Variants in SPATA16 observed in about 807,000 individuals in gnomAD.
SPATA16 encodes spermatogenesis-associated protein 16.
A neutral mutation model predicts 63.3 loss-of-function variants in SPATA16; 36 were observed. The observed-to-expected ratio is 0.57, with a 90% confidence interval of 0.44 to 0.75. The LOEUF (loss-of-function observed/expected upper bound fraction) is 0.75, where lower values mean the gene tolerates loss of function less well. Among genes scored for constraint, SPATA16 ranks in the 30% least tolerant of loss-of-function variants. SPATA16 has a pLI of 0.00. For missense variants in SPATA16, 646 were observed against 679.3 expected (o/e 0.95, Z 0.54); for synonymous variants, 203 against 216.7 (o/e 0.94, Z 0.56).
chr3:172,897,330 T>G (rs1389910989), intron 10 of SPATA16, among the ~76,000 whole-genome samples: 1 of 152,166 alleles, frequency 6.6e-6, no homozygotes, highest in African/African-American at 2.4e-5. Context: ...CCTCCATCAG[T>G]ATACAAATTC....
chr3:172,905,570 A>T (rs1732216167), intron 10 of SPATA16, among the ~76,000 whole-genome samples: 2 of 152,166 alleles, frequency 1.3e-5, no homozygotes, highest in South Asian at 4.1e-4. Context: ...CTACCTCAAC[A>T]GTCTTGAACA....
chr3:172,983,328 C>CTTT (rs59406777), intron 4 of SPATA16, among the ~76,000 whole-genome samples: 49 of 142,520 alleles, frequency 3.4e-4, no homozygotes, highest in African/African-American at 1.1e-3. Context: ...AGTGACCTCT[C>CTTT]TTTTTTTTTT....
At chr3:173,114,330 G>A (rs13082694) in intron 2 of SPATA16, among the ~76,000 whole-genome samples, 25,784 of 151,956 alleles carry the variant, frequency 0.17, 2,375 homozygotes, top group East Asian at 0.3. Context: ...AATAAAGACC[G>A]TATTTCTCAG....
chr3:172,891,043 A>C (rs952207393), intron 10 of SPATA16, among the ~76,000 whole-genome samples: 5 of 151,322 alleles, frequency 3.3e-5, no homozygotes, highest in Non-Finnish European at 7.4e-5. Context: ...CCAAAATAAG[A>C]CATTAAAAAA....
intron 4 of SPATA16, among the ~76,000 whole-genome samples, chr3:172,987,337 C>T (rs934606838): frequency 6.6e-6 from 1 of 152,176 alleles, no homozygotes; most frequent in Admixed American, 6.5e-5. Flanking sequence ...CCTTCGCACT[C>T]ATTTTTCAAG....
At chr3:173,001,660 TC>T (rs1734832429) in intron 4 of SPATA16, among the ~76,000 whole-genome samples, 1 of 152,196 alleles carries the variant, frequency 6.6e-6, no homozygotes, top group African/African-American at 2.4e-5. Flanking sequence ...TGGTAGTGGT[TC>T]CTGATGAGGT....
chr3:173,083,001 A>C (rs915119934), intron 2 of SPATA16, among the ~76,000 whole-genome samples: 1 of 152,190 alleles, frequency 6.6e-6, no homozygotes, highest in Non-Finnish European at 1.5e-5. Context: ...TTTATAAAAT[A>C]AAAGAAATGC....
At chr3:172,936,785 G>A (rs1733005797) in intron 6 of SPATA16, among the ~76,000 whole-genome samples, 1 of 152,194 alleles carries the variant, frequency 6.6e-6, no homozygotes, top group Non-Finnish European at 1.5e-5. Context: ...TCGGCTTACT[G>A]CAACCTCTGC....
chr3:173,137,058 A>T (rs746413504), intron 1 of SPATA16, among the ~76,000 whole-genome samples: 11 of 152,232 alleles, frequency 7.2e-5, no homozygotes, highest in Non-Finnish European at 4.4e-5. Context: ...TTTCAACATT[A>T]GTAGAAATGG....
chr3:172,939,812 G>A (rs1053685097), intron 6 of SPATA16, among the ~76,000 whole-genome samples: 2 of 152,018 alleles, frequency 1.3e-5, no homozygotes, highest in African/African-American at 4.8e-5. Context: ...ACTCTTGCTG[G>A]GCCCTTAGAT....
chr3:173,024,760 TTTA>T (rs1245727493), intron 3 of SPATA16, among the ~76,000 whole-genome samples: 12 of 150,924 alleles, frequency 8.0e-5, no homozygotes, highest in African/African-American at 2.9e-4. Context: ...ATTCTACTGT[TTTA>T]TTTTTGATTT....
At chr3:172,935,088 G>A (rs1318450001) in intron 6 of SPATA16, among the ~76,000 whole-genome samples, 1 of 152,162 alleles carries the variant, frequency 6.6e-6, no homozygotes, top group African/African-American at 2.4e-5. Context: ...GAAAATCCAA[G>A]AGGATAAACT....
chr3:173,052,354 GCAGTGAAAGAC>G (rs1736120207), intron 2 of SPATA16, among the ~76,000 whole-genome samples: 1 of 152,136 alleles, frequency 6.6e-6, no homozygotes, highest in African/African-American at 2.4e-5. Flanking sequence ...CTGAAAGACA[GCAGTGAAAGAC>G]CAGGATAATT....
chr3:172,901,293 G>A (rs9867706), intron 10 of SPATA16, among the ~76,000 whole-genome samples: 5,199 of 152,070 alleles, frequency 0.034, 317 homozygotes, highest in African/African-American at 0.12. Context: ...TCCACCTCCC[G>A]GGTTCAAGCG....
intron 2 of SPATA16, among the ~76,000 whole-genome samples, chr3:173,088,900 TG>T (rs1227218688): frequency 6.6e-6 from 1 of 152,188 alleles, no homozygotes; most frequent in Non-Finnish European, 1.5e-5. Context: ...TTGTGATGGC[TG>T]GGATTATAAA....
chr3:172,961,018 TTCTCTCTTTC>T (rs1335447581), intron 5 of SPATA16, among the ~76,000 whole-genome samples: 2 of 52,490 alleles, frequency 3.8e-5, no homozygotes, highest in Non-Finnish European at 5.3e-5. Flanking sequence ...TTCTTTCTTT[TTCTCTCTTTC>T]TCTCTTTCTT....
At chr3:173,085,733 G>A (rs1461204293) in intron 2 of SPATA16, among the ~76,000 whole-genome samples, 1 of 152,140 alleles carries the variant, frequency 6.6e-6, no homozygotes, top group African/African-American at 2.4e-5. Context: ...AAGAGATGTT[G>A]AATTTTATTG....
intron 3 of SPATA16, among the ~76,000 whole-genome samples, chr3:173,036,618 C>G (rs1465721646): frequency 2.0e-5 from 3 of 151,960 alleles, no homozygotes; most frequent in Admixed American, 6.6e-5. Context: ...AAGAAACTAC[C>G]ACTTGTCAAG....
intron 6 of SPATA16, among the ~76,000 whole-genome samples, chr3:172,944,139 T>C (rs1158096073): frequency 6.6e-6 from 1 of 151,980 alleles, no homozygotes; most frequent in African/African-American, 2.4e-5. Context: ...CTAGAATACA[T>C]AAAGAACCCC....
Sources: gnomAD v4.1 joint callset for allele counts (sites outside exome capture counted in the v4.1 genomes callset) on GRCh38, gnomAD v4.1.1 for gene constraint, MANE v1.5 for transcripts, NCBI Gene and HGNC (gene_info 2026-07-23, HGNC 2026-07-21) for gene names.